Variants in LEMD3 observed in about 807,000 individuals in gnomAD.
LEMD3 encodes inner nuclear membrane protein Man1.
A neutral mutation model predicts 95.2 loss-of-function variants in LEMD3; 33 were observed. The ratio of observed to expected loss-of-function variants is 0.35; its 90% CI spans 0.26 to 0.46. The LOEUF (loss-of-function observed/expected upper bound fraction) is 0.46, where lower values mean the gene tolerates loss of function less well. LEMD3 is among the 20% of genes least tolerant of loss of function. The pLI is 1.00. For missense variants in LEMD3, 1,210 were observed against 1,192.8 expected, an observed-to-expected ratio of 1.01 and a Z score of -0.21; for synonymous variants, 525 against 474.6, an observed-to-expected ratio of 1.11 and a Z score of -1.38.
At chr12:65,188,737 GGTCTCA>G (rs1397873843) in intron 1 of LEMD3, among the ~76,000 whole-genome samples, 1 of 152,056 alleles carries the variant, frequency 6.6e-6, no homozygotes, top group Non-Finnish European at 1.5e-5. Context: ...TGACTTACTT[GGTCTCA>G]GTATGGAATA....
chr12:65,175,796 A>G (rs1868701902), intron 1 of LEMD3, among the ~76,000 whole-genome samples: 1 of 152,142 alleles, frequency 6.6e-6, no homozygotes, highest in Admixed American at 6.5e-5. Context: ...TTTACTAGAC[A>G]TCTTTTGGGT....
Position 65,246,920 on chromosome 12 carries a change from G to A in LEMD3, c.*595G>A, listed in dbSNP as rs1871129895. 3 of 154,096 alleles carry A rather than the reference G, an allele frequency of 1.9e-5. No individual in the cohort carries two copies. Among genetic ancestry groups the A allele is most frequent in the Admixed American group, 6.5e-5 (1 of 15,498 alleles). 9.5% of individuals were successfully genotyped at this position (154,096 alleles called of 1,614,324 possible). A position where few individuals can be genotyped will look rare whatever the true frequency, so the allele number is the denominator to read the frequency against. Reference sequence around the variant, plus strand: ...TTGTATATATGTATAAATGCTGGTGGTGGTGAAAGTAGTCTTGTTTTATGA... The same window carrying A: ...TTGTATATATGTATAAATGCTGGTGATGGTGAAAGTAGTCTTGTTTTATGA... On this transcript the variant is annotated 3_prime_UTR_variant, in exon 13 of 13. Transcript: ENST00000308330.
intron 12 of LEMD3, 82 bp from the exon 13 acceptor site, chr12:65,246,080 C>A: frequency 1.6e-6 from 2 of 1,272,862 alleles, no homozygotes; most frequent in Non-Finnish European, 2.3e-6. Flanking sequence ...GTTTTGTGCT[C>A]ATATGTCTTT....
chr12:65,232,531 T>C (rs1048861628), intron 4 of LEMD3, among the ~76,000 whole-genome samples: 1 of 152,194 alleles, frequency 6.6e-6, no homozygotes, highest in Non-Finnish European at 1.5e-5. Context: ...TTTAATTCTT[T>C]ATCCAGTTTT....
rs1253037202 is a variant in LEMD3, at chr12:65,240,222, A to G, written c.2110A>G (p.Ile704Val). The change falls in exon 8 of 13, where the codon ATA (isoleucine) becomes GTA (valine). Residue 704 changes from isoleucine to valine, a missense_variant. By Grantham distance (29) the Ile-to-Val change is conservative. Around this residue, in one of 2 missense-constraint regions of LEMD3, gnomAD observed 461 missense variants for 569.8 expected, o/e 0.81. Transcript: ENST00000308330. ...TATTCCACATGTACGCGATTCCTTA[A>G]TACAGCCTCATGACAGGTGTGTTCA... is the stretch of plus-strand genomic sequence containing the variant. ...MPIPHVRDSL[I>V]QPHDRKKMKK... The G allele has an allele frequency of 6.2e-7, 1 of 1,611,796 alleles. No individual in the cohort carries two copies. Among genetic ancestry groups the G allele is most frequent in the Non-Finnish European group, 8.5e-7 (1 of 1,177,936 alleles).
In LEMD3 at chr12:65,243,431, A is replaced by G. The variant is rs1484942921; in HGVS notation, c.2349A>G (p.Thr783=). 6.2e-7 allele frequency: 1 copy of G among 1,604,346 alleles called. No homozygotes were observed. The highest frequency in any genetic ancestry group is 1.3e-5 in the African/African-American group (1 of 74,870). Residue 783 remains threonine (T), a synonymous_variant, in exon 10 of 13, where the codon ACA becomes ACG. Coordinates refer to ENST00000308330, the MANE Select transcript of LEMD3 (RefSeq NM_014319.5). The part of the protein sequence containing the change: ...DRRNSPPNSL[T]PCLKIRNMFD... ...GAAATTCACCACCAAATAGTTTGACACCGTGTCTAAAGATTCGGAATATGT... is the reference window on the plus strand; with the variant it reads ...GAAATTCACCACCAAATAGTTTGACGCCGTGTCTAAAGATTCGGAATATGT...
In LEMD3 at chr12:65,195,964, T is replaced by G. The variant is rs539410861; in HGVS notation, c.1523-14962T>G. Reference sequence around the variant, plus strand: ...AGAAGTCCTGGATCTTGTCCTCCAATGAGAATTCTGAATTCCTCAGCAAAT... The same window carrying G: ...AGAAGTCCTGGATCTTGTCCTCCAAGGAGAATTCTGAATTCCTCAGCAAAT... On this transcript the variant is annotated intron_variant, in intron 1 of 12. Transcript: ENST00000308330. Among the ~76,000 whole-genome samples, 49 of 152,242 alleles carry G rather than the reference T, an allele frequency of 3.2e-4. 1 individual carries two copies. The highest frequency in any genetic ancestry group is 1.1e-3 in the African/African-American group (44 of 41,578).
At chr12:65,230,426 T>C (rs1199817232) in intron 4 of LEMD3, among the ~76,000 whole-genome samples, 1 of 152,148 alleles carries the variant, frequency 6.6e-6, no homozygotes, top group Admixed American at 6.5e-5. Flanking sequence ...GAACATGGGA[T>C]GTCTTTTTAT....
intron 10 of LEMD3, among the ~76,000 whole-genome samples, chr12:65,244,243 A>G (rs1871022985): frequency 6.6e-6 from 1 of 151,818 alleles, no homozygotes; most frequent in Non-Finnish European, 1.5e-5. Flanking sequence ...AGCAGTATGC[A>G]CACGTGTTTG....
intron 1 of LEMD3, among the ~76,000 whole-genome samples, chr12:65,172,812 G>GC (rs1487957542): frequency 6.7e-6 from 1 of 150,218 alleles, no homozygotes; most frequent in African/African-American, 2.4e-5. Context: ...TGCAACCTCC[G>GC]CCTCCTGGGT....
chr12:65,245,041 T>G (rs2136358118), intron 10 of LEMD3, among the ~76,000 whole-genome samples: 1 of 152,156 alleles, frequency 6.6e-6, no homozygotes, highest in African/African-American at 2.4e-5. Flanking sequence ...GAAATTACTG[T>G]AAGTACACAG....
Position 65,246,370 on chromosome 12 carries a change from AT to A in LEMD3, c.*47del. On this transcript the variant is annotated 3_prime_UTR_variant, in exon 13 of 13. Coordinates refer to ENST00000308330, the MANE Select transcript of LEMD3 (RefSeq NM_014319.5). ...TAAGACTGTTATTTACAATAGGAAA[AT>A]TCCTGTTTGGCTTTTTGTCTTCCTT... 6.8e-7 allele frequency: 1 copy of A among 1,481,480 alleles called. No individual in the cohort carries two copies. Among genetic ancestry groups the A allele is most frequent in the East Asian group, 2.3e-5 (1 of 44,210 alleles). 91.8% of individuals were successfully genotyped at this position (1,481,480 alleles called of 1,614,324 possible). A position where few individuals can be genotyped will look rare whatever the true frequency, so the allele number is the denominator to read the frequency against.
intron 1 of LEMD3, among the ~76,000 whole-genome samples, chr12:65,180,989 AACAC>A (rs71096029): frequency 2.0e-5 from 3 of 149,280 alleles, no homozygotes; most frequent in South Asian, 2.1e-4. Context: ...TATGTACACA[AACAC>A]ACACACACAC....
intron 4 of LEMD3, 148 bp downstream of exon 4, chr12:65,218,767 A>C (rs965356790): frequency 2.0e-6 from 1 of 488,030 alleles, no homozygotes; most frequent in Non-Finnish European, 3.7e-6. Flanking sequence ...AGTTATGAGA[A>C]AGTAAAATTG....
At chr12:65,216,192 G>T (rs1272729056) in intron 3 of LEMD3, 149 bp downstream of exon 3, 5 of 537,436 alleles carry the variant, frequency 9.3e-6, no homozygotes, top group African/African-American at 5.9e-5. Context: ...AGTGATTTTT[G>T]ATTTTTACAT....
At chr12:65,184,521 T>A (rs547913481) in intron 1 of LEMD3, among the ~76,000 whole-genome samples, 1 of 152,330 alleles carries the variant, frequency 6.6e-6, no homozygotes, top group Non-Finnish European at 1.5e-5. Context: ...TCTCTTATAC[T>A]TTTTCATCTC....
chr12:65,222,831 G>T (rs1051174548), intron 4 of LEMD3, among the ~76,000 whole-genome samples: 1 of 151,348 alleles, frequency 6.6e-6, no homozygotes, highest in African/African-American at 2.4e-5. Context: ...ATTTTGTTAG[G>T]TTGTGTTTTT....
chr12:65,203,691 C>A lies in LEMD3; in HGVS notation c.1523-7235C>A, dbSNP rs116604343. ...TGTTGAGTTCAACTATGCTTACTGA[C>A]TTTCTGCCTGCTGGATCTGACCATT... On this transcript the variant is annotated intron_variant, in intron 1 of 12. Transcript: ENST00000308330. 2.8e-3 allele frequency among the ~76,000 whole-genome samples: 432 copies of A among 152,266 alleles called. 9 individuals carry two copies. The highest frequency in any genetic ancestry group is 9.7e-3 in the African/African-American group (402 of 41,566).
At chr12:65,224,755 C>T (rs1372559528) in intron 4 of LEMD3, among the ~76,000 whole-genome samples, 1 of 151,984 alleles carries the variant, frequency 6.6e-6, no homozygotes, top group Non-Finnish European at 1.5e-5. Flanking sequence ...GTCTGAATAC[C>T]CATTTTCTTC....
Sources: gnomAD v4.1 joint callset for allele counts (sites outside exome capture counted in the v4.1 genomes callset) on GRCh38, gnomAD v4.1.1 for gene constraint, gnomAD v4.1.1 regional missense constraint, MANE v1.5 for transcripts, NCBI Gene and HGNC (gene_info 2026-07-23, HGNC 2026-07-21) for gene names.